KLC2: variants seen among roughly 807,000 people sequenced by gnomAD.
KLC2 encodes the protein kinesin light chain 2.
A neutral mutation model predicts 75.1 loss-of-function variants in KLC2; 35 were observed. The observed-to-expected ratio is 0.47, with a 90% confidence interval of 0.36 to 0.62. The LOEUF is 0.62. Among genes scored for constraint, KLC2 ranks in the 20% least tolerant of loss-of-function variants. The pLI is 0.00. For synonymous variants in KLC2, 314 were observed against 336.7 expected, an observed-to-expected ratio of 0.93 and a Z score of 0.74; for missense variants, 611 against 833.2, an observed-to-expected ratio of 0.73 and a Z score of 3.28.
chr11:66,266,216 A>C lies in KLC2; in HGVS notation c.1726A>C (p.Arg576=). The C allele has an allele frequency of 1.3e-6, 2 of 1,599,368 alleles. No individual in the cohort carries two copies. Among genetic ancestry groups the C allele is most frequent in the Non-Finnish European group, 1.7e-6 (2 of 1,172,624 alleles). ...GGTPQEPPNP[R]MKRASSLNFL... is the part of the protein sequence containing the mutation. ...CACCCCCCAGGAGCCCCCTAACCCC[A>C]GGTGAGCCCCCCACCAAGGTGAGCC... is the stretch of plus-strand genomic sequence containing the variant. Residue 576 remains arginine, a splice_region_variant and synonymous_variant, in exon 14 of 16, where the codon AGG becomes CGG. Transcript: ENST00000394067.
At chr11:66,253,108 C>T (rs1338630256), upstream of KLC2, among the ~76,000 whole-genome samples, 1 of 150,360 alleles carries the variant, frequency 6.7e-6, no homozygotes, top group Non-Finnish European at 1.5e-5. Flanking sequence ...GCTGGGACTA[C>T]AGGCAAGAGC....
intron 9 of KLC2, chr11:66,264,778 A>G: frequency 1.7e-6 from 1 of 587,272 alleles, no homozygotes; most frequent in Non-Finnish European, 3.0e-6. Flanking sequence ...TCTGCTCCTG[A>G]GTCCCTCGGA....
rs1468138690 is a variant in KLC2 at position 66,267,346 on chromosome 11, G to A, written c.*390G>A. On this transcript the variant is annotated 3_prime_UTR_variant, in exon 16 of 16. Coordinates refer to ENST00000394067, the MANE Select transcript of KLC2 (RefSeq NM_001318734.2). ...CCCGGCCGTTGCTTCTGTATATAGA[G>A]AAATAAGTTATTGGCCGCGCGCCTC... The A allele has an allele frequency of 6.7e-6, 5 of 749,308 alleles. No homozygotes were observed. Among genetic ancestry groups the A allele is most frequent in the Admixed American group, 4.0e-5 (2 of 50,040 alleles). The allele number at this position is 749,308 out of a possible 1,614,324, so 46.4% of individuals were successfully genotyped here.
At chr11:66,264,735 G>A in intron 9 of KLC2, 1 of 582,960 alleles carries the variant, frequency 1.7e-6, no homozygotes. Context: ...CTCCCACTCT[G>A]GGAAACCACC....
Position 66,267,210 on chromosome 11 carries a change from C to A in KLC2, c.*254C>A. The A allele has an allele frequency of 1.9e-6, 3 of 1,543,906 alleles. No individual in the cohort carries two copies. Among genetic ancestry groups the A allele is most frequent in the Non-Finnish European group, 2.6e-6 (3 of 1,141,034 alleles). On this transcript the variant is annotated 3_prime_UTR_variant, in exon 16 of 16. Transcript: ENST00000394067. ...CTAGGTTCGGGCCAGCAGGAGGTGC[C>A]GGCTGGAGTCTCCACCATAGACTCA...
the KLC2 span, among the ~76,000 whole-genome samples, chr11:66,247,661 T>A: frequency 6.6e-6 from 1 of 151,990 alleles, no homozygotes; most frequent in Non-Finnish European, 1.5e-5. Flanking sequence ...TCCCACTCCT[T>A]GGCATTAATT....
chr11:66,250,362 G>T, the KLC2 span, among the ~76,000 whole-genome samples: 1 of 152,134 alleles, frequency 6.6e-6, no homozygotes, highest in Non-Finnish European at 1.5e-5. Flanking sequence ...CATGAGTGAG[G>T]GTTAAGTCAC....
upstream of KLC2, among the ~76,000 whole-genome samples, chr11:66,256,157 G>A (rs1856027262): frequency 6.6e-6 from 1 of 151,986 alleles, no homozygotes; most frequent in South Asian, 2.1e-4. Context: ...TGTAATCCCA[G>A]CACTTTGGGA....
chr11:66,267,047 T>C lies in KLC2; in HGVS notation c.*91T>C. The C allele has an allele frequency of 6.3e-7, 1 of 1,584,086 alleles. No individual in the cohort carries two copies. Among genetic ancestry groups the C allele is most frequent in the South Asian group, 1.1e-5 (1 of 88,562 alleles). The stretch of plus-strand genomic sequence containing the variant: ...ATGGGCCTGCTGCTTGTCCCGCCTG[T>C]CTCTCCCACAGCCCCTGTCTTTTCT... On this transcript the variant is annotated 3_prime_UTR_variant, in exon 16 of 16. Coordinates refer to ENST00000394067, the MANE Select transcript of KLC2 (RefSeq NM_001318734.2).
chr11:66,266,816 G>C lies in KLC2; in HGVS notation c.1786-57G>C. 11 of 1,571,038 alleles carry C rather than the reference G, an allele frequency of 7.0e-6. No individual in the cohort carries two copies. The Middle Eastern group carries it at 1.7e-3, about 244-fold the overall frequency. On this transcript the variant is annotated intron_variant, in intron 15 of 15. Transcript: ENST00000394067. ...TGCCAGGTCAGACCCCTTCAGGCCA[G>C]GGAGGCACAGACTGGCAGCAGCACA...
chr11:66,245,647 T>C, the KLC2 span, among the ~76,000 whole-genome samples: 3 of 144,272 alleles, frequency 2.1e-5, no homozygotes, highest in African/African-American at 5.2e-5. Context: ...ACTCAGGAGG[T>C]GGAGGTTGCA....
the KLC2 span, chr11:66,244,722 T>A: frequency 6.6e-6 from 1 of 152,334 alleles, no homozygotes; most frequent in African/African-American, 2.4e-5. Flanking sequence ...TTTCATTCAA[T>A]AAATTGGTGA....
rs1309535764 is a variant in KLC2 at position 66,264,476 on chromosome 11, C to T, written c.1216+32C>T. 4 of 1,482,152 alleles carry T rather than the reference C, an allele frequency of 2.7e-6. No homozygotes were observed. In the South Asian group the frequency reaches 4.6e-5, roughly 17 times the overall value. 91.8% of individuals were successfully genotyped at this position (1,482,152 alleles called of 1,614,324 possible). A position where few individuals can be genotyped will look rare whatever the true frequency, so the allele number is the denominator to read the frequency against. On this transcript the variant is annotated intron_variant, in intron 9 of 15. Coordinates refer to ENST00000394067, the MANE Select transcript of KLC2 (RefSeq NM_001318734.2). ...GCGTGGTCACCAGGTGCCTCTAGCC[C>T]ATCCATCCCAGGCCCACTCTGCCAT...
chr11:66,253,989 G>A (rs182995414), upstream of KLC2, among the ~76,000 whole-genome samples: 5 of 151,664 alleles, frequency 3.3e-5, no homozygotes, highest in Admixed American at 3.3e-4. Flanking sequence ...AGTGGCTCAC[G>A]CCTGTAATCC....
chr11:66,265,125 A>T, intron 10 of KLC2, 43 bp from the exon 11 acceptor site: 1 of 1,609,842 alleles, frequency 6.2e-7, no homozygotes, highest in South Asian at 1.1e-5. Flanking sequence ...GGATGTGCAG[A>T]GGGGGGCCTG....
chr11:66,247,349 CAG>C, the KLC2 span, among the ~76,000 whole-genome samples: 1 of 152,218 alleles, frequency 6.6e-6, no homozygotes, highest in East Asian at 1.9e-4. Context: ...CCAAACTGTG[CAG>C]AGTGTCCCAC....
At chr11:66,246,723 CCCTT>C in the KLC2 span, among the ~76,000 whole-genome samples, 3 of 152,222 alleles carry the variant, frequency 2.0e-5, no homozygotes, top group African/African-American at 7.2e-5. Context: ...TCTGCCCACT[CCCTT>C]CCAGTTTTTT....
At chr11:66,258,886 C>T (rs1328871253) in intron 2 of KLC2, 64 bp downstream of exon 2, 2 of 1,133,298 alleles carry the variant, frequency 1.8e-6, no homozygotes, top group Admixed American at 2.0e-5. Flanking sequence ...AAGAGGAATC[C>T]GGTAATGTAG....
Position 66,264,170 on chromosome 11 carries a change from C to T in KLC2, c.1067C>T (p.Thr356Ile). Residue 356 changes from threonine to isoleucine, a missense_variant, in exon 8 of 16, where the codon ACA (threonine) becomes ATA (isoleucine). By Grantham distance (89) the Thr-to-Ile change is moderately conservative. Transcript: ENST00000394067. Reference protein sequence around the residue: ...YYRRALEIYATRLGPDDPNVA... With the variant: ...YYRRALEIYAIRLGPDDPNVA... Reference sequence around the variant, plus strand: ...CGGCGGGCACTGGAGATCTATGCTACACGCCTCGGGCCCGATGACCCCAAT... The same window carrying T: ...CGGCGGGCACTGGAGATCTATGCTATACGCCTCGGGCCCGATGACCCCAAT... 6.4e-7 allele frequency: 1 copy of T among 1,572,782 alleles called. No individual in the cohort carries two copies. The highest frequency in any genetic ancestry group is 8.6e-7 in the Non-Finnish European group (1 of 1,158,094).
Sources: gnomAD v4.1 joint callset for allele counts (sites outside exome capture counted in the v4.1 genomes callset) on GRCh38, gnomAD v4.1.1 for gene constraint, MANE v1.5 for transcripts, NCBI Gene and HGNC (gene_info 2026-07-23, HGNC 2026-07-21) for gene names.